CD27: variants seen among roughly 807,000 people sequenced by gnomAD.
CD27 encodes the protein CD27 molecule, also known as CD27 antigen.
Under a neutral mutation model 25.9 loss-of-function variants are expected in CD27, and 16 were observed. That is an observed-to-expected ratio of 0.62 (90% CI 0.42 to 0.94). CD27 has a LOEUF of 0.94. Among genes scored for constraint, CD27 ranks in the 40% least tolerant of loss-of-function variants. CD27 has a pLI of 0.00. For synonymous variants in CD27, 142 were observed against 124.3 expected, an observed-to-expected ratio of 1.14 and a Z score of -0.95; for missense variants, 300 against 333.2, an observed-to-expected ratio of 0.90 and a Z score of 0.78.
rs199970363 is a variant in CD27 at position 6,445,272 on chromosome 12, G to T, written c.136+41G>T. 19 of 1,612,344 alleles carry T rather than the reference G, an allele frequency of 1.2e-5. No individual in the cohort carries two copies. The highest frequency in any genetic ancestry group is 5.9e-6 in the Non-Finnish European group (7 of 1,179,440). On this transcript the variant is annotated intron_variant, in intron 1 of 5. Coordinates refer to ENST00000266557, the MANE Select transcript of CD27 (RefSeq NM_001242.5). This position sits in a 1 kb window ranked among gnomAD's most constrained non-coding sequence, Gnocchi z 4.5. Reference sequence around the variant, plus strand: ...GGTAAGGGCCAGGTGAGTGGCGAAAGAGAGAGGACTGGGGTTAATACAGTA... The same window carrying T: ...GGTAAGGGCCAGGTGAGTGGCGAAATAGAGAGGACTGGGGTTAATACAGTA...
chr12:6,444,214 G>C (rs754563128), upstream of CD27, among the ~76,000 whole-genome samples: 2 of 152,166 alleles, frequency 1.3e-5, no homozygotes, highest in Non-Finnish European at 2.9e-5. Flanking sequence ...ACCCACATCA[G>C]AGACTGACAT....
rs750549892 is a variant in CD27 at position 6,450,300 on chromosome 12, G to A, written c.396G>A (p.Ser132=). The change falls in exon 3 of 6, where the codon TCG becomes TCA. Residue 132 remains serine (S), a synonymous_variant. Coordinates refer to ENST00000266557, the MANE Select transcript of CD27 (RefSeq NM_001242.5). The surrounding 1 kb of genome is among the most constrained non-coding windows in gnomAD (Gnocchi z 4.1). ...PLPNPSLTAR[S]SQALSPHPQP... Reference sequence around the variant, plus strand: ...CAAACCCTTCGCTGACCGCTCGGTCGTCTCAGGCCCTGAGCCCACACCCTC... The same window carrying A: ...CAAACCCTTCGCTGACCGCTCGGTCATCTCAGGCCCTGAGCCCACACCCTC... The A allele has an allele frequency of 1.8e-5, 29 of 1,613,480 alleles. No homozygotes were observed. The East Asian group carries it at 3.8e-4, about 21-fold the overall frequency.
chr12:6,444,521 A>G (rs985940074), upstream of CD27, among the ~76,000 whole-genome samples: 2 of 151,940 alleles, frequency 1.3e-5, no homozygotes, highest in African/African-American at 4.8e-5. Flanking sequence ...CTGACCCCCA[A>G]AGTTTCAGAT....
chr12:6,451,486 A>G lies in CD27; in HGVS notation c.*94A>G. 7.5e-7 allele frequency: 1 copy of G among 1,332,904 alleles called. No individual in the cohort carries two copies. The highest frequency in any genetic ancestry group is 1.0e-6 in the Non-Finnish European group (1 of 965,418). 82.6% of individuals were successfully genotyped at this position (1,332,904 alleles called of 1,614,324 possible). ...AGTGAGACCTGGCAGCCACAACTGC[A>G]GTCCCATCCTCTTGTCAGGGCCCTT... On this transcript the variant is annotated 3_prime_UTR_variant, in exon 6 of 6. Transcript: ENST00000266557.
Position 6,450,095 on chromosome 12 carries a change from T to C in CD27, c.269-78T>C, listed in dbSNP as rs1014615921. 1.5e-6 allele frequency: 2 copies of C among 1,356,384 alleles called. No individual in the cohort carries two copies. The highest frequency in any genetic ancestry group is 2.0e-6 in the Non-Finnish European group (2 of 980,674). The allele number at this position is 1,356,384 out of a possible 1,614,324, so 84.0% of individuals were successfully genotyped here. A position where few individuals can be genotyped will look rare whatever the true frequency, so the allele number is the denominator to read the frequency against. ...CTAGAGGTGGGCCTGGGATGGGGGT[T>C]GGGGGATGAAGCAAGTGGACCTTGA... On this transcript the variant is annotated intron_variant, in intron 2 of 5. Transcript: ENST00000266557. The surrounding 1 kb of genome is among the most constrained non-coding windows in gnomAD (Gnocchi z 4.1).
Position 6,445,681 on chromosome 12 carries a change from A to G in CD27, c.268+126A>G. ...AGCTTTGGCCTTCTTCAAGGCTCAC[A>G]GCAAGTGGAGCCAATGCTGGGAAAT... On this transcript the variant is annotated intron_variant, in intron 2 of 5. Transcript: ENST00000266557. The surrounding 1 kb of genome is among the most constrained non-coding windows in gnomAD (Gnocchi z 4.5). 1 of 1,236,452 alleles carries G rather than the reference A, an allele frequency of 8.1e-7. No individual in the cohort carries two copies. Among genetic ancestry groups the G allele is most frequent in the Non-Finnish European group, 1.1e-6 (1 of 908,074 alleles). 76.6% of individuals were successfully genotyped at this position (1,236,452 alleles called of 1,614,324 possible).
At chr12:6,444,829 T>C, upstream of CD27, 1 of 380,070 alleles carries the variant, frequency 2.6e-6, no homozygotes, top group Non-Finnish European at 4.7e-6. Context: ...GGAGGAAGCA[T>C]GTTTGAAGAG....
rs143249431 is a variant in CD27, at chr12:6,450,593, G to A, written c.501G>A (p.Arg167=). Residue 167 remains arginine (R), a synonymous_variant, in exon 4 of 6, where the codon AGG becomes AGA. Coordinates refer to ENST00000266557, the MANE Select transcript of CD27 (RefSeq NM_001242.5). The surrounding 1 kb of genome is among the most constrained non-coding windows in gnomAD (Gnocchi z 4.1). ...AGHMQTLADF[R]QLPARTLSTH... ...ACATGCAGACTCTGGCTGACTTCAG[G>A]CAGCTGCCTGCCCGGACTCTCTCTA... 5.5e-5 allele frequency: 88 copies of A among 1,613,142 alleles called. No individual in the cohort carries two copies. In the African/African-American group the frequency reaches 1.0e-3, roughly 19 times the overall value.
rs564047552 is a variant in CD27 at position 6,450,346 on chromosome 12, G to A, written c.442G>A (p.Val148Ile). 5 of 1,611,392 alleles carry A rather than the reference G, an allele frequency of 3.1e-6. No homozygotes were observed. In the South Asian group the frequency reaches 5.5e-5, roughly 18 times the overall value. ...CCCTCAGCCCACCCACTTACCTTAT[G>A]TCAGTGGTAAGTTCCAGGCAACTCT... Reference protein sequence around the residue: ...PHPQPTHLPYVSEMLEARTAG... With the variant: ...PHPQPTHLPYISEMLEARTAG... The change falls in exon 3 of 6, where the codon GTC (valine) becomes ATC (isoleucine). Residue 148 changes from valine to isoleucine, a missense_variant. Physicochemically the swap from Val to Ile is conservative, Grantham distance 29. Transcript: ENST00000266557. The surrounding 1 kb of genome is among the most constrained non-coding windows in gnomAD (Gnocchi z 4.1).
At chr12:6,451,237 T>G (rs1241656456) in intron 5 of CD27, 31 bp from the exon 6 acceptor site, 1 of 1,607,476 alleles carries the variant, frequency 6.2e-7, no homozygotes, top group South Asian at 1.1e-5. Context: ...CCCCCACTGC[T>G]GGCCAAGACT....
chr12:6,444,482 C>T (rs1349145001), upstream of CD27, among the ~76,000 whole-genome samples: 1 of 152,020 alleles, frequency 6.6e-6, no homozygotes, highest in Admixed American at 6.6e-5. Context: ...TCTGTATAAA[C>T]CTGAAAAATT....
Position 6,445,696 on chromosome 12 carries a change from T to C in CD27, c.268+141T>C. ...CAAGGCTCACAGCAAGTGGAGCCAATGCTGGGAAATGCGGCACCCTAGGTG... is the reference window on the plus strand; with the variant it reads ...CAAGGCTCACAGCAAGTGGAGCCAACGCTGGGAAATGCGGCACCCTAGGTG... On this transcript the variant is annotated intron_variant, in intron 2 of 5. Transcript: ENST00000266557. The surrounding 1 kb of genome is among the most constrained non-coding windows in gnomAD (Gnocchi z 4.5). The C allele has an allele frequency of 9.2e-7, 1 of 1,092,634 alleles. No individual in the cohort carries two copies. The highest frequency in any genetic ancestry group is 1.6e-5 in the South Asian group (1 of 61,920). 67.7% of individuals were successfully genotyped at this position (1,092,634 alleles called of 1,614,324 possible). A position where few individuals can be genotyped will look rare whatever the true frequency, so the allele number is the denominator to read the frequency against.
At position 6,451,420 on chromosome 12, in the gene CD27, G is replaced by A; in HGVS notation, c.*28G>A. 1 of 1,603,082 alleles carries A rather than the reference G, an allele frequency of 6.2e-7. No homozygotes were observed. The highest frequency in any genetic ancestry group is 8.5e-7 in the Non-Finnish European group (1 of 1,175,648). ...CAGCACCTGCGGGAGCTGCACTACAGCCCTGGCCTCCACCCCCACCCCGCC... is the reference window on the plus strand; with the variant it reads ...CAGCACCTGCGGGAGCTGCACTACAACCCTGGCCTCCACCCCCACCCCGCC... On this transcript the variant is annotated 3_prime_UTR_variant, in exon 6 of 6. Coordinates refer to ENST00000266557, the MANE Select transcript of CD27 (RefSeq NM_001242.5).
intron 5 of CD27, 91 bp from the exon 6 acceptor site, chr12:6,451,177 T>G: frequency 1.3e-6 from 2 of 1,527,478 alleles, no homozygotes; most frequent in Non-Finnish European, 1.8e-6. Flanking sequence ...CTGACACCCC[T>G]CCCCCAAGCG....
Position 6,450,511 on chromosome 12 carries a change from C to A in CD27, c.449-30C>A. ...CAGATGTGCCCTATGGGGTCCCCTG[C>A]TGCTACTCATTCTGTCTCTGTTTTT... On this transcript the variant is annotated intron_variant, in intron 3 of 5. Transcript: ENST00000266557. The surrounding 1 kb of genome is among the most constrained non-coding windows in gnomAD (Gnocchi z 4.1). The A allele has an allele frequency of 6.2e-7, 1 of 1,604,914 alleles. No homozygotes were observed. The highest frequency in any genetic ancestry group is 8.5e-7 in the Non-Finnish European group (1 of 1,172,906).
chr12:6,450,118 TGAA>T lies in CD27; in HGVS notation c.269-53_269-51del. The T allele has an allele frequency of 6.6e-7, 1 of 1,525,720 alleles. No homozygotes were observed. Among genetic ancestry groups the T allele is most frequent in the South Asian group, 1.2e-5 (1 of 84,218 alleles). 94.5% of individuals were successfully genotyped at this position (1,525,720 alleles called of 1,614,324 possible). On this transcript the variant is annotated intron_variant, in intron 2 of 5. Transcript: ENST00000266557. This position sits in a 1 kb window ranked among gnomAD's most constrained non-coding sequence, Gnocchi z 4.1. The stretch of plus-strand genomic sequence containing the variant: ...GTTGGGGGATGAAGCAAGTGGACCT[TGAA>T]GGTCTCCACAGGTCTGAGTGTCCTA...
At position 6,451,314 on chromosome 12, in the gene CD27, C is replaced by T; in HGVS notation, c.705C>T (p.Ser235=). The T allele has an allele frequency of 6.2e-7, 1 of 1,613,992 alleles. No individual in the cohort carries two copies. The highest frequency in any genetic ancestry group is 1.1e-5 in the South Asian group (1 of 91,078). Residue 235 remains serine (S), a synonymous_variant, in exon 6 of 6, where the codon AGC becomes AGT. Coordinates refer to ENST00000266557, the MANE Select transcript of CD27 (RefSeq NM_001242.5). Reference sequence around the variant, plus strand: ...AGCCTGCAGAGCCTTGTCATTACAGCTGCCCCAGGGAGGAGGAGGGCAGCA... The same window carrying T: ...AGCCTGCAGAGCCTTGTCATTACAGTTGCCCCAGGGAGGAGGAGGGCAGCA... ...PVEPAEPCHY[S]CPREEEGSTI...
chr12:6,450,875 T>C lies in CD27; in HGVS notation c.539-20T>C, dbSNP rs928312414. 4 of 1,613,932 alleles carry C rather than the reference T, an allele frequency of 2.5e-6. No homozygotes were observed. The highest frequency in any genetic ancestry group is 3.4e-6 in the Non-Finnish European group (4 of 1,179,966). On this transcript the variant is annotated intron_variant, in intron 4 of 5. Coordinates refer to ENST00000266557, the MANE Select transcript of CD27 (RefSeq NM_001242.5). This position sits in a 1 kb window ranked among gnomAD's most constrained non-coding sequence, Gnocchi z 4.1. ...GGGCTAGACCCTCCCCTAACCCCTGTGTGTCCCCTCCTATTACAGCCCAAA... is the reference window on the plus strand; with the variant it reads ...GGGCTAGACCCTCCCCTAACCCCTGCGTGTCCCCTCCTATTACAGCCCAAA...
chr12:6,447,552 G>A (rs1949434722), intron 2 of CD27: 2 of 152,186 alleles, frequency 1.3e-5, no homozygotes, highest in South Asian at 4.1e-4. Flanking sequence ...TTGAGCCCAG[G>A]TTATACCTGG....
Sources: allele counts gnomAD v4.1 joint callset (sites outside exome capture counted in the v4.1 genomes callset), GRCh38; gene constraint gnomAD v4.1.1; non-coding constraint Gnocchi (gnomAD v3.1); transcripts MANE v1.5; gene names NCBI Gene and HGNC (gene_info 2026-07-23, HGNC 2026-07-21).